Variants in ARL15 observed in about 807,000 individuals in gnomAD.
ARL15 encodes the protein ARF like GTPase 15, also known as ADP-ribosylation factor-like protein 15.
Under a neutral mutation model 25.2 loss-of-function variants are expected in ARL15, and 19 were observed. The ratio of observed to expected loss-of-function variants is 0.75; its 90% CI spans 0.53 to 1.10. The LOEUF is 1.10. Among genes scored for constraint, ARL15 ranks in the 50% least tolerant of loss-of-function variants. The probability of loss-of-function intolerance (pLI) is 0.00; values close to 1 mark genes in which losing one functional copy is unlikely to be tolerated. For synonymous variants in ARL15, 94 were observed against 86.8 expected (o/e 1.08, Z -0.46); for missense variants, 220 against 246.0 (o/e 0.89, Z 0.71).
At chr5:54,100,336 G>A (rs911955940) in intron 4 of ARL15, among the ~76,000 whole-genome samples, 6 of 151,998 alleles carry the variant, frequency 3.9e-5, no homozygotes, top group African/African-American at 1.4e-4. Context: ...GGGAAAGGAA[G>A]GGGCTTTAAA....
chr5:54,216,931 A>G (rs536346152), intron 1 of ARL15, among the ~76,000 whole-genome samples: 17 of 152,158 alleles, frequency 1.1e-4, no homozygotes, highest in African/African-American at 4.1e-4. Flanking sequence ...ATGCCTTTAA[A>G]GACAATAGAG....
chr5:54,212,141 G>A (rs1360644932), intron 1 of ARL15, among the ~76,000 whole-genome samples: 1 of 152,200 alleles, frequency 6.6e-6, no homozygotes, highest in Non-Finnish European at 1.5e-5. Flanking sequence ...GGCAGCCACA[G>A]TCAATACGTG....
rs543244252 is a variant in ARL15 at position 53,902,580 on chromosome 5, T to C, written c.463-15867A>G. Among the ~76,000 whole-genome samples the C allele has an allele frequency of 6.6e-5, 10 of 152,308 alleles. No individual in the cohort carries two copies. In the South Asian group the frequency reaches 1.9e-3, roughly 28 times the overall value. On this transcript the variant is annotated intron_variant, in intron 4 of 4. Coordinates refer to ENST00000504924, the MANE Select transcript of ARL15 (RefSeq NM_019087.3). ...TTAATATATGGAACCCAAATAAACA[T>C]GTTTAATATTGGCCTTGTGGTACTA...
rs181537170 is a variant in ARL15, at chr5:54,031,674, C to A, written c.462+81528G>T. On this transcript the variant is annotated intron_variant, in intron 4 of 4. Coordinates refer to ENST00000504924, the MANE Select transcript of ARL15 (RefSeq NM_019087.3). ...CCCCATTCTACCAAAAAACAAATTC[C>A]AAAATATACCACCATTCATGGCGAG... is the stretch of plus-strand genomic sequence containing the variant. Among the ~76,000 whole-genome samples, 1,138 of 152,204 alleles carry A rather than the reference C, an allele frequency of 7.5e-3. 18 individuals are homozygous for A. The highest frequency in any genetic ancestry group is 0.026 in the African/African-American group (1,087 of 41,530).
chr5:54,173,716 C>T (rs1384036526), intron 1 of ARL15, among the ~76,000 whole-genome samples: 2 of 152,082 alleles, frequency 1.3e-5, no homozygotes, highest in Non-Finnish European at 1.5e-5. Flanking sequence ...GACTGGATTG[C>T]TTATAAAGAG....
chr5:53,916,292 T>TAAAA (rs774093108), intron 4 of ARL15, among the ~76,000 whole-genome samples: 4 of 18,548 alleles, frequency 2.2e-4, no homozygotes, highest in Admixed American at 5.6e-4. Flanking sequence ...AAATGTAATA[T>TAAAA]TAAAAAAAAA....
intron 4 of ARL15, among the ~76,000 whole-genome samples, chr5:53,967,280 C>T (rs928216969): frequency 2.6e-5 from 4 of 152,160 alleles, no homozygotes; most frequent in Admixed American, 1.3e-4. Context: ...TCCGTGTACA[C>T]ACAATGAATT....
chr5:54,226,085 C>CG (rs1239903427), intron 1 of ARL15, among the ~76,000 whole-genome samples: 1 of 151,868 alleles, frequency 6.6e-6, no homozygotes, highest in Non-Finnish European at 1.5e-5. Flanking sequence ...GATATAGACA[C>CG]GGGGGGAGTG....
intron 3 of ARL15, among the ~76,000 whole-genome samples, chr5:54,115,786 A>G (rs1202019944): frequency 6.6e-6 from 1 of 152,182 alleles, no homozygotes; most frequent in Non-Finnish European, 1.5e-5. Context: ...AAACAAAACA[A>G]AAATAAAGAG....
At chr5:54,259,591 T>G (rs1757447972) in intron 1 of ARL15, among the ~76,000 whole-genome samples, 1 of 152,124 alleles carries the variant, frequency 6.6e-6, no homozygotes. Flanking sequence ...ATTTTCATGG[T>G]TGGGAGGTCA....
chr5:54,001,277 A>C (rs1351858442), intron 4 of ARL15, among the ~76,000 whole-genome samples: 1 of 152,102 alleles, frequency 6.6e-6, no homozygotes, highest in Non-Finnish European at 1.5e-5. Context: ...CTTTGAGGGG[A>C]GAGCCACTAT....
At chr5:53,904,668 C>T (rs976006733) in intron 4 of ARL15, among the ~76,000 whole-genome samples, 2 of 151,616 alleles carry the variant, frequency 1.3e-5, no homozygotes, top group African/African-American at 4.8e-5. Context: ...GATAAAAGGC[C>T]TTGGCCCAAC....
intron 1 of ARL15, among the ~76,000 whole-genome samples, chr5:54,243,885 T>G (rs1757021400): frequency 6.6e-6 from 1 of 152,210 alleles, no homozygotes; most frequent in African/African-American, 2.4e-5. Flanking sequence ...GTTGCCACCT[T>G]GTCCAAGATG....
chr5:54,075,429 GA>G (rs1248669435), intron 4 of ARL15: 1 of 153,464 alleles, frequency 6.5e-6, no homozygotes, highest in African/African-American at 2.4e-5. Flanking sequence ...AGCCAAAGGC[GA>G]AAAGCAAAAA....
chr5:53,940,664 T>C (rs1200722436), intron 4 of ARL15, among the ~76,000 whole-genome samples: 2 of 152,216 alleles, frequency 1.3e-5, no homozygotes, highest in Admixed American at 6.5e-5. Flanking sequence ...AGAACAATTA[T>C]GGATTTTTTA....
At chr5:53,940,110 C>T (rs1303177211) in intron 4 of ARL15, among the ~76,000 whole-genome samples, 1 of 151,856 alleles carries the variant, frequency 6.6e-6, no homozygotes, top group African/African-American at 2.4e-5. Context: ...TCCCGAGTAG[C>T]TGGGACTACA....
chr5:54,021,340 A>G (rs1749594688), intron 4 of ARL15, among the ~76,000 whole-genome samples: 1 of 152,242 alleles, frequency 6.6e-6, no homozygotes, highest in Non-Finnish European at 1.5e-5. Flanking sequence ...CATTTCAAAA[A>G]ACATAAACAA....
chr5:54,121,001 G>A (rs1169638237), intron 3 of ARL15, among the ~76,000 whole-genome samples: 2 of 152,106 alleles, frequency 1.3e-5, no homozygotes, highest in Non-Finnish European at 2.9e-5. Flanking sequence ...GATGCAAGAG[G>A]TTCTAGATTA....
chr5:53,989,141 C>G (rs112439104), intron 4 of ARL15, among the ~76,000 whole-genome samples: 4,882 of 152,250 alleles, frequency 0.032, 98 homozygotes, highest in Non-Finnish European at 0.051. Flanking sequence ...TACCACCCAC[C>G]AGGCAAAGTA....
Sources: gnomAD v4.1 joint callset for allele counts (sites outside exome capture counted in the v4.1 genomes callset) on GRCh38, gnomAD v4.1.1 for gene constraint, MANE v1.5 for transcripts, NCBI Gene and HGNC (gene_info 2026-07-23, HGNC 2026-07-21) for gene names.